Variants in KIF7 observed in about 807,000 individuals in gnomAD.
KIF7 encodes kinesin-like protein KIF7.
Under a neutral mutation model 135.7 loss-of-function variants are expected in KIF7, and 104 were observed. That is an observed-to-expected ratio of 0.77 (90% CI 0.65 to 0.90). The LOEUF is 0.90. KIF7 is among the 40% of genes least tolerant of loss of function. KIF7 has a pLI of 0.00. For missense variants in KIF7, 2,005 were observed against 1,839.1 expected (o/e 1.09, Z -1.65); for synonymous variants, 883 against 809.4 (o/e 1.09, Z -1.54).
chr15:89,633,769 G>C lies in KIF7; in HGVS notation c.2509C>G (p.Gln837Glu), dbSNP rs1131691958. ...TCCTCGCGAAGCCGCCTCTGCAGCT[G>C]TCCCTGCTGCTGCCGCATGAGCTGC... The part of the protein sequence containing the change: ...NVQLMRQQQG[Q>E]LQRRLREETE... Residue 837 changes from glutamine (Q) to glutamate (E), a missense_variant, in exon 12 of 19, where the codon CAG becomes GAG. Physicochemically the swap from Gln to Glu is conservative, Grantham distance 29. Transcript: ENST00000394412. 6.2e-7 allele frequency: 1 copy of C among 1,611,124 alleles called. No individual in the cohort carries two copies. Among genetic ancestry groups the C allele is most frequent in the South Asian group, 1.1e-5 (1 of 91,074 alleles).
At chr15:89,653,280 C>T (rs1964154365) in intron 1 of KIF7, among the ~76,000 whole-genome samples, 1 of 152,200 alleles carries the variant, frequency 6.6e-6, no homozygotes, top group Non-Finnish European at 1.5e-5. Context: ...CACAGCACCA[C>T]ACCACACCAG....
chr15:89,622,890 C>T (rs1001494784), intron 1 of KIF7, among the ~76,000 whole-genome samples: 1 of 152,218 alleles, frequency 6.6e-6, no homozygotes, highest in Non-Finnish European at 1.5e-5. Flanking sequence ...TTAGGCAGCC[C>T]TTCTTTGTGT....
At chr15:89,619,482 G>A (rs1199202966) in intron 1 of KIF7, among the ~76,000 whole-genome samples, 4 of 152,074 alleles carry the variant, frequency 2.6e-5, no homozygotes. Context: ...GACTTCTGAA[G>A]GTAATAGTCT....
rs545085025 is a variant in KIF7 at position 89,644,979 on chromosome 15, C to G, written c.2191+34G>C. On this transcript the variant is annotated intron_variant, in intron 10 of 18. Transcript: ENST00000394412. The stretch of plus-strand genomic sequence containing the variant: ...AGAAGTAACGATGAGAAGTCCCCCT[C>G]GGGTGAGAGGCCCACCTGATGCCCA... 4.4e-6 allele frequency: 7 copies of G among 1,604,734 alleles called. No homozygotes were observed. In the East Asian group the frequency reaches 1.3e-4, roughly 31 times the overall value.
Position 89,628,784 on chromosome 15 carries a change from C to T in KIF7, c.3667G>A (p.Gly1223Arg). ...TCCGAGCACAGGCTCCTCTTCTCCC[C>T]ACCTGTCATGGAGAGTAACGTGTCC... ...GVNAVGHSRG[G>R]EKRSLCSEGR... is the part of the protein sequence containing the mutation. The change falls in exon 19 of 19, where the codon GGG (glycine) becomes AGG (arginine). Residue 1223 changes from glycine to arginine, a missense_variant and splice_region_variant. Physicochemically the swap from Gly to Arg is moderately radical, Grantham distance 125 (BLOSUM62 -2). Transcript: ENST00000394412. 1.9e-6 allele frequency: 3 copies of T among 1,611,904 alleles called. 1 individual carries two copies. The South Asian group carries it at 3.3e-5, about 18-fold the overall frequency.
chr15:89,632,739 G>T, intron 14 of KIF7, 81 bp downstream of exon 14: 1 of 1,463,292 alleles, frequency 6.8e-7, no homozygotes, highest in Non-Finnish European at 9.3e-7. Context: ...CTTGGCAGGA[G>T]CTCACCTGGC....
intron 1 of KIF7, chr15:89,618,307 A>T (rs1963368228): frequency 1.7e-6 from 2 of 1,150,762 alleles, no homozygotes; most frequent in Non-Finnish European, 1.3e-6. Context: ...AAGATATTTT[A>T]CAGAAATTGT....
intron 11 of KIF7, 107 bp from the exon 12 acceptor site, chr15:89,633,990 G>A: frequency 8.5e-7 from 1 of 1,171,214 alleles, no homozygotes; most frequent in Admixed American, 1.7e-5. Context: ...ATGGGTAGGT[G>A]GGTGATAGAC....
At chr15:89,630,521 C>T (rs1442167380) in intron 15 of KIF7, 28 bp from the exon 16 acceptor site, 11 of 1,517,552 alleles carry the variant, frequency 7.2e-6, no homozygotes, top group Non-Finnish European at 8.9e-6. Context: ...CGTGGAGGAA[C>T]AGCACCCACT....
chr15:89,624,741 C>T, downstream of KIF7: 2 of 1,614,170 alleles, frequency 1.2e-6, no homozygotes, highest in East Asian at 4.5e-5. Context: ...GCATTGGTGA[C>T]TTGAAAAGTA....
chr15:89,642,028 G>A (rs1963930712), intron 11 of KIF7, among the ~76,000 whole-genome samples, 175 bp downstream of exon 11: 1 of 152,120 alleles, frequency 6.6e-6, no homozygotes, highest in Non-Finnish European at 1.5e-5. Context: ...TCTACTGTGT[G>A]TAAAGCTGGG....
Position 89,648,992 on chromosome 15 carries a change from C to G in KIF7, c.905G>C (p.Arg302Pro). ...AGCTCACCGGGTGATCTTGGAGTCG[C>G]GGTAGGGTATGTGGCTGCCCCGGCG... ...PQRRGSHIPY[R>P]DSKITRILKD... The change falls in exon 4 of 19, where the codon CGC (arginine) becomes CCC (proline). Residue 302 changes from arginine (R) to proline (P), a missense_variant. Arg to Pro is a moderately radical substitution (Grantham distance 103). Coordinates refer to ENST00000394412, the MANE Select transcript of KIF7 (RefSeq NM_198525.3). 1 of 1,542,870 alleles carries G rather than the reference C, an allele frequency of 6.5e-7. No individual in the cohort carries two copies. Among genetic ancestry groups the G allele is most frequent in the East Asian group, 2.5e-5 (1 of 40,788 alleles).
rs1314442090 is a variant in KIF7 at position 89,628,428 on chromosome 15, G to A, written c.4023C>T (p.Asn1341=). 1.2e-6 allele frequency: 2 copies of A among 1,606,278 alleles called. No individual in the cohort carries two copies. Among genetic ancestry groups the A allele is most frequent in the Non-Finnish European group, 1.7e-6 (2 of 1,176,206 alleles). ...ASPGMIDVRK[N]PL ...GGTCTGCCCCGAGGGCTTACAGGGGGTTTTTCCGGACATCAATCATCCCCG... is the reference window on the plus strand; with the variant it reads ...GGTCTGCCCCGAGGGCTTACAGGGGATTTTTCCGGACATCAATCATCCCCG... The change falls in exon 19 of 19, where the codon AAC becomes AAT. Residue 1341 remains asparagine, a synonymous_variant. Transcript: ENST00000394412.
rs1394292136 is a variant in KIF7, at chr15:89,649,182, C to A, written c.715G>T (p.Ala239Ser). Residue 239 changes from alanine to serine, a missense_variant, in exon 4 of 19, where the codon GCC becomes TCC. By Grantham distance (99) the Ala-to-Ser change is moderately conservative. Coordinates refer to ENST00000394412, the MANE Select transcript of KIF7 (RefSeq NM_198525.3). ...TTGGAGACGAGCAGCTGGCCCGGGG[C>A]GGGGCGGGGTAGGCGGCTGGGGGCG... ...GRAPSRLPRP[A>S]PGQLLVSKFH... 8 of 1,547,216 alleles carry A rather than the reference C, an allele frequency of 5.2e-6. No homozygotes were observed. In the East Asian group the frequency reaches 9.8e-5, roughly 19 times the overall value.
At position 89,649,291 on chromosome 15, in the gene KIF7, C is replaced by T; in HGVS notation, c.606G>A (p.Ala202=). ...TGAGGTGCGTGGCTCCCGTGTGCCG[C>T]GCCGCGTTGCCCATCTCCAGGAGGC... ...VLSLLEMGNA[A]RHTGATHLNH... is the part of the protein sequence containing the mutation. Residue 202 remains alanine (A), a synonymous_variant, in exon 4 of 19, where the codon GCG becomes GCA. Transcript: ENST00000394412. 1.3e-6 allele frequency: 2 copies of T among 1,499,032 alleles called. No homozygotes were observed. Among genetic ancestry groups the T allele is most frequent in the African/African-American group, 1.4e-5 (1 of 71,774 alleles). The allele number at this position is 1,499,032 out of a possible 1,614,324, so 92.9% of individuals were successfully genotyped here. A position where few individuals can be genotyped will look rare whatever the true frequency, so the allele number is the denominator to read the frequency against.
At chr15:89,629,602 C>T (rs747801889) in intron 16 of KIF7, 29 bp from the exon 17 acceptor site, 103 of 1,601,390 alleles carry the variant, frequency 6.4e-5, no homozygotes, top group Non-Finnish European at 8.1e-5. Flanking sequence ...AGGCTCAGCC[C>T]TCATCATGAC....
At chr15:89,630,531 T>G in intron 15 of KIF7, 38 bp from the exon 16 acceptor site, 1 of 1,487,934 alleles carries the variant, frequency 6.7e-7, no homozygotes, top group Non-Finnish European at 9.1e-7. Flanking sequence ...CAGCACCCAC[T>G]GCCTGAATGC....
intron 16 of KIF7, 33 bp downstream of exon 16, chr15:89,630,254 G>A: frequency 6.2e-7 from 1 of 1,603,652 alleles, no homozygotes; most frequent in East Asian, 2.2e-5. Context: ...TGCCGCTGAG[G>A]AGGAGCTGGG....
intron 3 of KIF7, 142 bp downstream of exon 3, chr15:89,649,599 G>A: frequency 2.0e-6 from 2 of 1,012,452 alleles, no homozygotes; most frequent in East Asian, 5.2e-5. Flanking sequence ...ACTCAGTGGA[G>A]GCAAGAAGCT....
Sources: allele counts gnomAD v4.1 joint callset (sites outside exome capture counted in the v4.1 genomes callset), GRCh38; gene constraint gnomAD v4.1.1; transcripts MANE v1.5; gene names NCBI Gene and HGNC (gene_info 2026-07-23, HGNC 2026-07-21).